SPANXA1: variants seen among roughly 807,000 people sequenced by gnomAD.
The protein encoded by SPANXA1 is sperm protein associated with the nucleus on the X chromosome A.
At chrX:141,584,640 G>A (rs1556372414) in exon 1 of SPANXA1, 2 of 7,881 alleles carry the variant, frequency 2.5e-4, no homozygotes, top group Admixed American at 5.0e-4. Context: ...CACAGGGGAC[G>A]CTCCTCTTCA....
Sources: gnomAD v4.1 joint callset for allele counts on GRCh38, gnomAD v4.1.1 for gene constraint, MANE v1.5 for transcripts, NCBI Gene and HGNC (gene_info 2026-07-23, HGNC 2026-07-21) for gene names.